MIPEP: variants seen among roughly 807,000 people sequenced by gnomAD.
MIPEP encodes the protein mitochondrial intermediate peptidase.
MIPEP carries 79 observed loss-of-function variants against 90.3 expected under a neutral mutation model. The observed-to-expected ratio is 0.87, with a 90% CI of 0.73 to 1.05. The LOEUF is 1.05. MIPEP is among the 50% of genes least tolerant of loss of function. The probability of loss-of-function intolerance (pLI) is 0.00; values close to 1 mark genes in which losing one functional copy is unlikely to be tolerated. For missense variants in MIPEP, 940 were observed against 905.6 expected (o/e 1.04, Z -0.49); for synonymous variants, 334 against 315.8 (o/e 1.06, Z -0.61).
chr13:23,815,321 TTTG>T (rs148479281), intron 14 of MIPEP, among the ~76,000 whole-genome samples: 51,731 of 90,128 alleles, frequency 0.57, 9,293 homozygotes, highest in South Asian at 0.6. Flanking sequence ...TTCCTGATTT[TTTG>T]TTTTTTTTTG....
Position 23,886,252 on chromosome 13 carries a change from T to C in MIPEP, c.363+81A>G, listed in dbSNP as rs528588506. 5 of 1,145,126 alleles carry C rather than the reference T, an allele frequency of 4.4e-6. No individual in the cohort carries two copies. In the African/African-American group the frequency reaches 8.0e-5, roughly 18 times the overall value. 70.9% of individuals were successfully genotyped at this position (1,145,126 alleles called of 1,614,324 possible). On this transcript the variant is annotated intron_variant, in intron 2 of 18. Coordinates refer to ENST00000382172, the MANE Select transcript of MIPEP (RefSeq NM_005932.4). ...TAACTTTATAATCTAATATTAATAG[T>C]AAACAACAAAGGATAAATTTCACTT...
intron 16 of MIPEP, among the ~76,000 whole-genome samples, chr13:23,775,533 C>T (rs1952705516): frequency 6.6e-6 from 1 of 152,124 alleles, no homozygotes; most frequent in Non-Finnish European, 1.5e-5. Flanking sequence ...CCTCAATGCC[C>T]AGGTTTAGAT....
In MIPEP at chr13:23,820,770, C is replaced by T. The variant is rs541173723; in HGVS notation, c.1654-10846G>A. ...TCTGGTGCCTGAGCCAGTTCCAATG[C>T]CCCATCAGAGTGTGCATTTCTAAGG... On this transcript the variant is annotated intron_variant, in intron 14 of 18. Transcript: ENST00000382172. 5.9e-5 allele frequency among the ~76,000 whole-genome samples: 9 copies of T among 152,300 alleles called. No individual in the cohort carries two copies. The East Asian group carries it at 1.2e-3, about 20-fold the overall frequency.
At chr13:23,756,318 C>T in intron 18 of MIPEP, 2 of 447,968 alleles carry the variant, frequency 4.5e-6, no homozygotes, top group Non-Finnish European at 8.2e-6. Context: ...CCACGCCCAG[C>T]TATTTTTTGT....
chr13:23,772,715 G>A (rs1232089019), intron 16 of MIPEP, among the ~76,000 whole-genome samples: 2 of 152,142 alleles, frequency 1.3e-5, no homozygotes, highest in African/African-American at 4.8e-5. Flanking sequence ...AGGTTACAAC[G>A]TTAAACCTAA....
intron 7 of MIPEP, among the ~76,000 whole-genome samples, chr13:23,864,769 A>G (rs1870462336): frequency 6.7e-6 from 1 of 148,366 alleles, no homozygotes; most frequent in Non-Finnish European, 1.5e-5. Flanking sequence ...ATGGGAGGCT[A>G]AAGAAAAAAG....
chr13:23,788,511 GC>G (rs1022582026), intron 16 of MIPEP, among the ~76,000 whole-genome samples: 1 of 152,168 alleles, frequency 6.6e-6, no homozygotes, highest in African/African-American at 2.4e-5. Context: ...GCTCTCGAAG[GC>G]CACAGCCTAG....
rs80228440 is a variant in MIPEP, at chr13:23,826,143, G to A, written c.1653+10097C>T. Among the ~76,000 whole-genome samples the A allele has an allele frequency of 6.4e-3, 980 of 152,092 alleles. 13 individuals are homozygous for A. The highest frequency in any genetic ancestry group is 0.021 in the African/African-American group (876 of 41,506). On this transcript the variant is annotated intron_variant, in intron 14 of 18. Transcript: ENST00000382172. ...ATAAGGAAGAAAGGAATTGTTCATC[G>A]GGGAAACTATGCTTTTATGCATCTA...
At chr13:23,868,757 C>T (rs1870652254) in intron 7 of MIPEP, among the ~76,000 whole-genome samples, 1 of 152,182 alleles carries the variant, frequency 6.6e-6, no homozygotes, top group African/African-American at 2.4e-5. Flanking sequence ...AACATTTTCT[C>T]TTAGACATTA....
At chr13:23,768,915 A>C (rs543125698) in intron 16 of MIPEP, among the ~76,000 whole-genome samples, 1 of 152,342 alleles carries the variant, frequency 6.6e-6, no homozygotes, top group African/African-American at 2.4e-5. Context: ...AAGCAAATCT[A>C]CTAGCAGAGC....
intron 17 of MIPEP, among the ~76,000 whole-genome samples, chr13:23,757,752 T>C (rs57130148): frequency 0.017 from 2,637 of 152,280 alleles, 33 homozygotes; most frequent in Non-Finnish European, 0.026. Flanking sequence ...CTGACGGAGT[T>C]CCACAAGGAA....
At chr13:23,838,328 T>G (rs560993113) in intron 12 of MIPEP, among the ~76,000 whole-genome samples, 19 of 152,194 alleles carry the variant, frequency 1.2e-4, no homozygotes, top group African/African-American at 4.6e-4. Flanking sequence ...GATTTTTTTT[T>G]GTACAGATGG....
intron 2 of MIPEP, among the ~76,000 whole-genome samples, chr13:23,882,258 C>T (rs1488641843): frequency 6.6e-6 from 1 of 152,086 alleles, no homozygotes; most frequent in East Asian, 1.9e-4. Flanking sequence ...AAAGAGCAGA[C>T]ACTGGTTTCA....
intron 10 of MIPEP, 134 bp downstream of exon 10, chr13:23,858,726 G>C (rs1360187971): frequency 2.7e-6 from 2 of 729,384 alleles, no homozygotes; most frequent in East Asian, 5.4e-5. Context: ...GAGTGGAGCA[G>C]ACCACGCCAG....
chr13:23,747,047 G>A (rs1051817058), intron 18 of MIPEP, among the ~76,000 whole-genome samples: 2 of 152,200 alleles, frequency 1.3e-5, no homozygotes, highest in Admixed American at 6.5e-5. Flanking sequence ...AAGAGGTGTC[G>A]AGGAGTGCTG....
chr13:23,839,072 A>C (rs1869182353), intron 12 of MIPEP, among the ~76,000 whole-genome samples: 1 of 152,374 alleles, frequency 6.6e-6, no homozygotes, highest in Admixed American at 6.5e-5. Flanking sequence ...ACTGGCTGTC[A>C]AAGTCGGCCA....
chr13:23,771,586 GACAAA>G (rs2138532709), intron 16 of MIPEP, among the ~76,000 whole-genome samples: 1 of 150,140 alleles, frequency 6.7e-6, no homozygotes, highest in Non-Finnish European at 1.5e-5. Context: ...TTTCTGAAGT[GACAAA>G]ACAAAATTAA....
At position 23,740,429 on chromosome 13, in the gene MIPEP, C is replaced by G. The variant is rs370473284; in HGVS notation, c.2045-9984G>C. ...TAACTTCTTCCTTTGAGTCTGTGGC[C>G]TCAAAAAAAAAAAAAATTGGTTTTC... On this transcript the variant is annotated intron_variant, in intron 18 of 18. Coordinates refer to ENST00000382172, the MANE Select transcript of MIPEP (RefSeq NM_005932.4). 4.7e-4 allele frequency among the ~76,000 whole-genome samples: 65 copies of G among 138,154 alleles called. 1 individual carries two copies. The East Asian group carries it at 8.9e-3, about 19-fold the overall frequency. The allele number at this position is 138,154 out of a possible 152,430, so 90.6% of individuals were successfully genotyped here. A position where few individuals can be genotyped will look rare whatever the true frequency, so the allele number is the denominator to read the frequency against.
At chr13:23,794,497 C>T (rs1466676284) in intron 16 of MIPEP, among the ~76,000 whole-genome samples, 1 of 152,098 alleles carries the variant, frequency 6.6e-6, no homozygotes, top group African/African-American at 2.4e-5. Context: ...CGGGACTTAC[C>T]TCAGAAAATT....
Sources: allele counts gnomAD v4.1 joint callset (sites outside exome capture counted in the v4.1 genomes callset), GRCh38; gene constraint gnomAD v4.1.1; transcripts MANE v1.5; gene names NCBI Gene and HGNC (gene_info 2026-07-23, HGNC 2026-07-21).